MAPKAP1: variants seen among roughly 807,000 people sequenced by gnomAD.
MAPKAP1 encodes the protein target of rapamycin complex 2 subunit MAPKAP1.
MAPKAP1 carries 20 observed loss-of-function variants against 65.7 expected under a neutral mutation model. That is an observed-to-expected ratio of 0.30 (90% confidence interval 0.21 to 0.44). MAPKAP1 has a LOEUF of 0.44. MAPKAP1 is among the 20% of genes least tolerant of loss of function. MAPKAP1 has a pLI of 1.00. For synonymous variants in MAPKAP1, 222 were observed against 244.3 expected (o/e 0.91, Z 0.85); for missense variants, 423 against 648.0 (o/e 0.65, Z 3.77).
At chr9:125,539,325 A>C (rs2133160141) in intron 7 of MAPKAP1, among the ~76,000 whole-genome samples, 1 of 152,338 alleles carries the variant, frequency 6.6e-6, no homozygotes, top group African/African-American at 2.4e-5. Flanking sequence ...CTCCTGTTCA[A>C]TCTTTCCACA....
chr9:125,694,235 G>A (rs1314608691), intron 1 of MAPKAP1, among the ~76,000 whole-genome samples: 1 of 151,834 alleles, frequency 6.6e-6, no homozygotes, highest in Non-Finnish European at 1.5e-5. Flanking sequence ...GGCTGAGGCA[G>A]GAGAACTGCT....
chr9:125,628,799 T>C (rs189852978), intron 4 of MAPKAP1, among the ~76,000 whole-genome samples: 1 of 151,968 alleles, frequency 6.6e-6, no homozygotes, highest in East Asian at 1.9e-4. Flanking sequence ...CAGGACAAAA[T>C]ATTTGCAAAC....
chr9:125,683,633 T>A (rs1834888391), intron 1 of MAPKAP1, among the ~76,000 whole-genome samples: 2 of 152,134 alleles, frequency 1.3e-5, no homozygotes, highest in South Asian at 4.1e-4. Context: ...CTAGTGAGCC[T>A]CCAGATGAGC....
intron 1 of MAPKAP1, among the ~76,000 whole-genome samples, chr9:125,704,848 C>A (rs1835710746): frequency 6.6e-6 from 1 of 152,262 alleles, no homozygotes; most frequent in Middle Eastern, 3.4e-3. Flanking sequence ...CGTACCAGGC[C>A]CTTTATCCCC....
intron 6 of MAPKAP1, among the ~76,000 whole-genome samples, chr9:125,544,187 T>G (rs534827837): frequency 6.6e-6 from 1 of 152,040 alleles, no homozygotes; most frequent in South Asian, 2.1e-4. Context: ...ATTTTTGTAG[T>G]TTTAGTAGAG....
chr9:125,530,270 C>T (rs1290023580), intron 7 of MAPKAP1, among the ~76,000 whole-genome samples: 1 of 152,232 alleles, frequency 6.6e-6, no homozygotes, highest in African/African-American at 2.4e-5. Flanking sequence ...TCTGCTTCCT[C>T]TGGTGCAGAC....
intron 4 of MAPKAP1, among the ~76,000 whole-genome samples, chr9:125,626,741 T>C (rs945834517): frequency 6.6e-6 from 1 of 152,188 alleles, no homozygotes; most frequent in Admixed American, 6.5e-5. Flanking sequence ...AATAATAAAG[T>C]AGATACATTT....
At position 125,504,498 on chromosome 9, in the gene MAPKAP1, C is replaced by T. The variant is rs527861311; in HGVS notation, c.1066+1812G>A. ...CTAGTCAAAGAGTAGCATCCTAGGC[C>T]GGTGTGGTGGTTCACACCTGTAATC... On this transcript the variant is annotated intron_variant, in intron 8 of 11. Coordinates refer to ENST00000265960, the MANE Select transcript of MAPKAP1 (RefSeq NM_001006617.3). 3.9e-5 allele frequency among the ~76,000 whole-genome samples: 6 copies of T among 152,116 alleles called. No individual in the cohort carries two copies. In the East Asian group the frequency reaches 5.8e-4, roughly 15 times the overall value.
chr9:125,665,552 C>G (rs1287073791), intron 3 of MAPKAP1, among the ~76,000 whole-genome samples: 1 of 151,972 alleles, frequency 6.6e-6, no homozygotes, highest in Non-Finnish European at 1.5e-5. Flanking sequence ...AATGATAATC[C>G]CACCACCCTT....
intron 9 of MAPKAP1, chr9:125,478,323 T>C (rs948467222): frequency 3.3e-5 from 5 of 152,130 alleles, no homozygotes; most frequent in Non-Finnish European, 7.4e-5. Context: ...TTGAGTTATT[T>C]TTTCTTTATA....
intron 9 of MAPKAP1, among the ~76,000 whole-genome samples, chr9:125,482,796 G>A (rs949409814): frequency 1.3e-5 from 2 of 152,162 alleles, no homozygotes; most frequent in Non-Finnish European, 2.9e-5. Context: ...AAAAGGTGGG[G>A]TCTGCTTTGG....
rs1218747573 is a variant in MAPKAP1 at position 125,484,436 on chromosome 9, C to G, written c.1207+7G>C. On this transcript the variant is annotated splice_region_variant and intron_variant, in intron 9 of 11. Coordinates refer to ENST00000265960, the MANE Select transcript of MAPKAP1 (RefSeq NM_001006617.3). ...CAAGCTAGCTCATCACCTGCTCACA[C>G]ACTTACCTAGCTGTACGTCGGTTGT... 3 of 1,606,978 alleles carry G rather than the reference C, an allele frequency of 1.9e-6. No homozygotes were observed. Among genetic ancestry groups the G allele is most frequent in the Non-Finnish European group, 2.5e-6 (3 of 1,176,728 alleles).
At chr9:125,571,992 G>A (rs1342998669) in intron 5 of MAPKAP1, among the ~76,000 whole-genome samples, 1 of 152,148 alleles carries the variant, frequency 6.6e-6, no homozygotes, top group African/African-American at 2.4e-5. Context: ...ACAAAATTTG[G>A]AGCATATTTG....
At chr9:125,688,926 A>G (rs550462139) in intron 1 of MAPKAP1, among the ~76,000 whole-genome samples, 6 of 152,122 alleles carry the variant, frequency 3.9e-5, no homozygotes, top group Non-Finnish European at 7.3e-5. Context: ...GCTGTCTCAC[A>G]TTTCCAGCTT....
intron 4 of MAPKAP1, among the ~76,000 whole-genome samples, chr9:125,625,258 A>ATACAT (rs371821798): frequency 9.0e-6 from 1 of 110,744 alleles, no homozygotes; most frequent in Non-Finnish European, 1.8e-5. Context: ...AAATAAATAA[A>ATACAT]AAAAAAAAAA....
At chr9:125,635,142 G>A (rs941532676) in intron 4 of MAPKAP1, among the ~76,000 whole-genome samples, 1 of 152,174 alleles carries the variant, frequency 6.6e-6, no homozygotes, top group African/African-American at 2.4e-5. Flanking sequence ...TTCCTACTGT[G>A]AAGCCTACTG....
chr9:125,680,504 T>C (rs140812999), intron 1 of MAPKAP1, among the ~76,000 whole-genome samples: 13 of 152,302 alleles, frequency 8.5e-5, no homozygotes, highest in African/African-American at 3.1e-4. Flanking sequence ...TGAGCTTTTT[T>C]CCCCCTCAGG....
At chr9:125,693,317 G>A (rs1252926359) in intron 1 of MAPKAP1, among the ~76,000 whole-genome samples, 1 of 151,812 alleles carries the variant, frequency 6.6e-6, no homozygotes, top group East Asian at 1.9e-4. Flanking sequence ...GGGCAGCTGA[G>A]GCAGGAGAAT....
At chr9:125,590,649 T>C (rs2131589190) in intron 4 of MAPKAP1, among the ~76,000 whole-genome samples, 1 of 150,476 alleles carries the variant, frequency 6.6e-6, no homozygotes, top group South Asian at 2.1e-4. Context: ...AAACTCCGTC[T>C]CAAGAAAAAA....
Sources: allele counts gnomAD v4.1 joint callset (sites outside exome capture counted in the v4.1 genomes callset), GRCh38; gene constraint gnomAD v4.1.1; transcripts MANE v1.5; gene names NCBI Gene and HGNC (gene_info 2026-07-23, HGNC 2026-07-21).